GRK3: variants seen among roughly 807,000 people sequenced by gnomAD.
GRK3 encodes the protein adrenergic, beta, receptor kinase 2.
A neutral mutation model predicts 95.7 loss-of-function variants in GRK3; 54 were observed. The ratio of observed to expected loss-of-function variants is 0.56; its 90% CI spans 0.45 to 0.71. The LOEUF (loss-of-function observed/expected upper bound fraction) is 0.71. Ranked by LOEUF, GRK3 falls within the 30% of genes least tolerant of loss-of-function variation. GRK3 has a pLI of 0.00. For synonymous variants in GRK3, 281 were observed against 290.8 expected (o/e 0.97, Z 0.34); for missense variants, 649 against 851.2 (o/e 0.76, Z 2.96).
chr22:25,583,280 G>A (rs1175827904), intron 1 of GRK3, among the ~76,000 whole-genome samples: 1 of 151,886 alleles, frequency 6.6e-6, no homozygotes, highest in African/African-American at 2.4e-5. Flanking sequence ...GGTAATTTAG[G>A]AATTCTTCTC....
intron 2 of GRK3, among the ~76,000 whole-genome samples, chr22:25,623,275 A>C (rs2084600338): frequency 6.6e-6 from 1 of 152,208 alleles, no homozygotes; most frequent in Non-Finnish European, 1.5e-5. Flanking sequence ...CTATAGAAGG[A>C]GAGGAGCTAG....
At chr22:25,591,871 A>G (rs916946132) in intron 1 of GRK3, among the ~76,000 whole-genome samples, 3 of 152,122 alleles carry the variant, frequency 2.0e-5, no homozygotes, top group African/African-American at 7.2e-5. Context: ...TGATATGCAT[A>G]TTTACTTACC....
intron 3 of GRK3, among the ~76,000 whole-genome samples, chr22:25,651,541 G>A (rs1412085662): frequency 6.6e-6 from 1 of 152,166 alleles, no homozygotes; most frequent in Non-Finnish European, 1.5e-5. Context: ...GAAGAGTGAC[G>A]TCATTATTTC....
chr22:25,639,527 C>A (rs2084727765), intron 2 of GRK3, among the ~76,000 whole-genome samples: 1 of 152,100 alleles, frequency 6.6e-6, no homozygotes, highest in African/African-American at 2.4e-5. Context: ...CATTATATAG[C>A]CATATTAATC....
intron 2 of GRK3, among the ~76,000 whole-genome samples, chr22:25,632,430 A>G (rs2084670442): frequency 6.6e-6 from 1 of 152,200 alleles, no homozygotes; most frequent in African/African-American, 2.4e-5. Flanking sequence ...TATTTTGGAT[A>G]CAAGTCCTTT....
Position 25,565,080 on chromosome 22 carries a change from C to G in GRK3, c.40C>G (p.Leu14Val). Residue 14 changes from leucine to valine, a missense_variant, in exon 1 of 21, where the codon CTG (leucine) becomes GTG (valine). Around this residue, in one of 3 missense-constraint regions of GRK3, gnomAD observed 206 missense variants for 231.4 expected, o/e 0.89. Transcript: ENST00000324198. ...LEAVLADVSY[L>V]MAMEKSKATP... is the part of the protein sequence containing the mutation. ...GGCTGTGCTGGCCGATGTCAGTTAC[C>G]TGATGGCCATGGAGAAGAGCAAGGC... is the stretch of plus-strand genomic sequence containing the variant. The G allele has an allele frequency of 6.5e-7, 1 of 1,542,190 alleles. No individual in the cohort carries two copies. The highest frequency in any genetic ancestry group is 8.7e-7 in the Non-Finnish European group (1 of 1,148,176).
At chr22:25,655,988 G>T (rs1452728610) in intron 3 of GRK3, among the ~76,000 whole-genome samples, 1 of 152,184 alleles carries the variant, frequency 6.6e-6, no homozygotes, top group East Asian at 1.9e-4. Flanking sequence ...TGACTGCCTG[G>T]ATTTCAACTC....
intron 7 of GRK3, among the ~76,000 whole-genome samples, chr22:25,673,426 T>G (rs2146415579): frequency 6.6e-6 from 1 of 152,164 alleles, no homozygotes; most frequent in East Asian, 1.9e-4. Flanking sequence ...TCTATTTTTT[T>G]TTTTTTCAAT....
At chr22:25,664,804 C>G (rs938376791) in intron 5 of GRK3, among the ~76,000 whole-genome samples, 36 of 152,166 alleles carry the variant, frequency 2.4e-4, no homozygotes, top group Admixed American at 2.3e-3. Context: ...CAGGCATGAG[C>G]CACCATGCCC....
intron 6 of GRK3, 56 bp downstream of exon 6, chr22:25,667,856 T>A: frequency 1.0e-6 from 1 of 995,908 alleles, no homozygotes; most frequent in East Asian, 2.4e-5. Flanking sequence ...GTGTACCTCA[T>A]CTTATGCCGT....
At chr22:25,690,322 T>G in intron 12 of GRK3, 39 bp downstream of exon 12, 6 of 1,464,716 alleles carry the variant, frequency 4.1e-6, no homozygotes, top group South Asian at 1.1e-5. Flanking sequence ...ACCATTTCTC[T>G]CCTGCCCTTT....
intron 1 of GRK3, among the ~76,000 whole-genome samples, chr22:25,596,046 A>G (rs1252860640): frequency 6.6e-6 from 1 of 152,244 alleles, no homozygotes; most frequent in Non-Finnish European, 1.5e-5. Flanking sequence ...TATAAGAACC[A>G]CCACCACCAA....
intron 1 of GRK3, among the ~76,000 whole-genome samples, chr22:25,600,291 C>T (rs1199391175): frequency 6.6e-6 from 1 of 151,904 alleles, no homozygotes; most frequent in Non-Finnish European, 1.5e-5. Context: ...GGATTACAGG[C>T]AACCGCCACT....
Position 25,673,404 on chromosome 22 carries a change from G to A in GRK3, c.556-1033G>A, listed in dbSNP as rs1029817733. 4.0e-5 allele frequency among the ~76,000 whole-genome samples: 6 copies of A among 151,690 alleles called. No individual in the cohort carries two copies. The East Asian group carries it at 1.2e-3, about 29-fold the overall frequency. On this transcript the variant is annotated intron_variant, in intron 7 of 20. Transcript: ENST00000324198. ...AAAAATACTTGATCTTCACTAAAAGGCCAAGAAATGATCTATTTTTTTTTT... is the reference window on the plus strand; with the variant it reads ...AAAAATACTTGATCTTCACTAAAAGACCAAGAAATGATCTATTTTTTTTTT...
Position 25,711,217 on chromosome 22 carries a change from T to C in GRK3, c.1491+54T>C. ...TTTTATTTTTGGATGGGATGATTTCTGTTGGAAATCAAACTTAGTGGTTGT... is the reference window on the plus strand; with the variant it reads ...TTTTATTTTTGGATGGGATGATTTCCGTTGGAAATCAAACTTAGTGGTTGT... On this transcript the variant is annotated intron_variant, in intron 17 of 20. Transcript: ENST00000324198. 5 of 1,255,010 alleles carry C rather than the reference T, an allele frequency of 4.0e-6. No individual in the cohort carries two copies. The South Asian group carries it at 4.1e-5, about 10-fold the overall frequency. 77.7% of individuals were successfully genotyped at this position (1,255,010 alleles called of 1,614,324 possible).
chr22:25,679,611 G>A (rs1229163561), intron 9 of GRK3, among the ~76,000 whole-genome samples: 1 of 152,134 alleles, frequency 6.6e-6, no homozygotes, highest in African/African-American at 2.4e-5. Flanking sequence ...TTATGTGTCT[G>A]TACAGATGCC....
chr22:25,636,845 T>C (rs1219405746), intron 2 of GRK3, among the ~76,000 whole-genome samples: 2 of 152,232 alleles, frequency 1.3e-5, no homozygotes, highest in Admixed American at 1.3e-4. Flanking sequence ...TTGACCAACG[T>C]AATGTCTGAC....
intron 1 of GRK3, among the ~76,000 whole-genome samples, chr22:25,583,413 T>C (rs1601451142): frequency 6.6e-6 from 1 of 151,676 alleles, no homozygotes; most frequent in African/African-American, 2.4e-5. Flanking sequence ...CATTAGGTTA[T>C]TTGGGGCAGG....
chr22:25,599,995 A>C (rs1201539670), intron 1 of GRK3, among the ~76,000 whole-genome samples: 1 of 152,194 alleles, frequency 6.6e-6, no homozygotes, highest in East Asian at 1.9e-4. Flanking sequence ...GATCTAGCTA[A>C]TTCACTTACC....
Sources: gnomAD v4.1 joint callset for allele counts (sites outside exome capture counted in the v4.1 genomes callset) on GRCh38, gnomAD v4.1.1 for gene constraint, gnomAD v4.1.1 regional missense constraint, MANE v1.5 for transcripts, NCBI Gene and HGNC (gene_info 2026-07-23, HGNC 2026-07-21) for gene names.